The following OR52E5 variants were observed in gnomAD, a reference collection of about 807,000 sequenced individuals.
OR52E5 encodes the protein olfactory receptor family 52 subfamily E member 5.
Position 5,900,769 on chromosome 11 carries a change from C to T in OR52E5, c.-8C>T. 2.5e-6 allele frequency: 1 copy of T among 400,536 alleles called. No individual in the cohort carries two copies. Among genetic ancestry groups the T allele is most frequent in the East Asian group, 3.6e-5 (1 of 28,070 alleles). The allele number at this position is 400,536 out of a possible 1,614,324, so 24.8% of individuals were successfully genotyped here. ...CAAGAAATGTGTCTGTAGGGAATGG[C>T]CACCAATATGCTTCATACCAACAAT... On this transcript the variant is annotated 5_prime_UTR_variant, in exon 3 of 3. Coordinates refer to ENST00000610445, the MANE Select transcript of OR52E5 (RefSeq NM_001005166.5).
chr11:5,900,756 C>A lies in OR52E5; in HGVS notation c.-21C>A. 1 of 400,120 alleles carries A rather than the reference C, an allele frequency of 2.5e-6. No individual in the cohort carries two copies. Among genetic ancestry groups the A allele is most frequent in the South Asian group, 1.3e-4 (1 of 7,848 alleles). The allele number at this position is 400,120 out of a possible 1,614,324, so 24.8% of individuals were successfully genotyped here. The stretch of plus-strand genomic sequence containing the variant: ...AAGAAAACTCATGCAAGAAATGTGT[C>A]TGTAGGGAATGGCCACCAATATGCT... On this transcript the variant is annotated 5_prime_UTR_variant, in exon 3 of 3. It adds an upstream start codon to the 5' untranslated region. Coordinates refer to ENST00000610445, the MANE Select transcript of OR52E5 (RefSeq NM_001005166.5).
At chr11:5,894,766 C>CT (rs1847150884) in intron 1 of OR52E5, among the ~76,000 whole-genome samples, 2 of 152,044 alleles carry the variant, frequency 1.3e-5, no homozygotes, top group African/African-American at 4.8e-5. Flanking sequence ...GGTCGGTGCC[C>CT]TTTTTCTATA....
rs149151317 is a variant in OR52E5, at chr11:5,902,618, A to G, written c.*858A>G. The G allele has an allele frequency of 1.2e-4, 19 of 152,328 alleles. No homozygotes were observed. The East Asian group carries it at 3.5e-3, about 28-fold the overall frequency. 9.4% of individuals were successfully genotyped at this position (152,328 alleles called of 1,614,324 possible). On this transcript the variant is annotated 3_prime_UTR_variant, in exon 3 of 3. Coordinates refer to ENST00000610445, the MANE Select transcript of OR52E5 (RefSeq NM_001005166.5). Reference sequence around the variant, plus strand: ...AATCCCATCCTCCACAGTCTTTGCTAGAGTGGGTTTTAGGGCAGACTGTAA... The same window carrying G: ...AATCCCATCCTCCACAGTCTTTGCTGGAGTGGGTTTTAGGGCAGACTGTAA...
chr11:5,898,834 T>C (rs1847211085), intron 2 of OR52E5, among the ~76,000 whole-genome samples: 1 of 152,222 alleles, frequency 6.6e-6, no homozygotes, highest in African/African-American at 2.4e-5. Flanking sequence ...CTGTTTTGGC[T>C]ACTGCAGCCT....
intron 2 of OR52E5, among the ~76,000 whole-genome samples, chr11:5,897,321 T>A (rs73398282): frequency 6.6e-6 from 1 of 152,190 alleles, no homozygotes; most frequent in Admixed American, 6.5e-5. Context: ...GTGTCTGTTG[T>A]TTCCATCTTT....
intron 2 of OR52E5, among the ~76,000 whole-genome samples, chr11:5,897,895 T>C (rs754674552): frequency 1.3e-5 from 2 of 152,072 alleles, no homozygotes; most frequent in Non-Finnish European, 2.9e-5. Flanking sequence ...CAGAGTCTCA[T>C]TCTGTCACCC....
intron 2 of OR52E5, among the ~76,000 whole-genome samples, chr11:5,899,565 A>G (rs539615723): frequency 6.6e-6 from 1 of 152,336 alleles, no homozygotes; most frequent in South Asian, 2.1e-4. Context: ...CATTGCACTC[A>G]AATGAGCATC....
intron 1 of OR52E5, among the ~76,000 whole-genome samples, chr11:5,893,663 A>G (rs560466506): frequency 2.0e-5 from 3 of 152,214 alleles, no homozygotes; most frequent in Non-Finnish European, 2.9e-5. Flanking sequence ...ACCTATGACT[A>G]GTTGTTAGGA....
intron 1 of OR52E5, among the ~76,000 whole-genome samples, chr11:5,893,616 G>A (rs572579312): frequency 1.2e-4 from 18 of 152,118 alleles, no homozygotes; most frequent in African/African-American, 4.3e-4. Context: ...ATCATTCCCT[G>A]GTTATAGCTG....
rs1022586074 is a variant in OR52E5 at position 5,902,205 on chromosome 11, G to C, written c.*445G>C. 4 of 153,906 alleles carry C rather than the reference G, an allele frequency of 2.6e-5. No homozygotes were observed. Among genetic ancestry groups the C allele is most frequent in the African/African-American group, 7.2e-5 (3 of 41,510 alleles). 9.5% of individuals were successfully genotyped at this position (153,906 alleles called of 1,614,324 possible). On this transcript the variant is annotated 3_prime_UTR_variant, in exon 3 of 3. Transcript: ENST00000610445. ...ATGGCCTTACCTAAAATTTTGACCT[G>C]AGCATTTCACTTAGACTCTTTGAGT... is the stretch of plus-strand genomic sequence containing the variant.
chr11:5,900,526 A>C (rs1847234999), intron 2 of OR52E5, 106 bp from the exon 3 acceptor site: 2 of 331,660 alleles, frequency 6.0e-6, no homozygotes, highest in East Asian at 8.9e-5. Context: ...TGGGAAGTGC[A>C]GGATTGCTAT....
rs1295284193 is a variant in OR52E5, at chr11:5,901,577, C to T, written c.801C>T (p.Ile267=). ...TGACACACCGCTTTGGCCACAACAT[C>T]CCTCATTACATCCACATTCTTCTGG... ...SFMTHRFGHN[I]PHYIHILLAN... Residue 267 remains isoleucine (I), a synonymous_variant, in exon 3 of 3, where the codon ATC becomes ATT. Coordinates refer to ENST00000610445, the MANE Select transcript of OR52E5 (RefSeq NM_001005166.5). The T allele has an allele frequency of 5.0e-6, 2 of 401,688 alleles. No individual in the cohort carries two copies. 24.9% of individuals were successfully genotyped at this position (401,688 alleles called of 1,614,324 possible).
chr11:5,898,727 T>G (rs1163497208), intron 2 of OR52E5, among the ~76,000 whole-genome samples: 2 of 152,180 alleles, frequency 1.3e-5, no homozygotes, highest in Non-Finnish European at 2.9e-5. Flanking sequence ...TTTTGTTGAC[T>G]TTACCAAAGA....
chr11:5,897,785 T>C (rs1339559061), intron 2 of OR52E5, among the ~76,000 whole-genome samples: 2 of 152,200 alleles, frequency 1.3e-5, no homozygotes, highest in African/African-American at 4.8e-5. Flanking sequence ...ACATCTGTTA[T>C]TTTTTCACTT....
At chr11:5,895,310 A>T (rs1223600672) in intron 1 of OR52E5, among the ~76,000 whole-genome samples, 2 of 152,258 alleles carry the variant, frequency 1.3e-5, no homozygotes, top group African/African-American at 4.8e-5. Flanking sequence ...TTGAAATTGC[A>T]TATCACAAAA....
chr11:5,893,933 C>T (rs1847139048), intron 1 of OR52E5, among the ~76,000 whole-genome samples: 1 of 152,182 alleles, frequency 6.6e-6, no homozygotes. Flanking sequence ...AGAAGTTTGT[C>T]TTCTGATCCA....
intron 1 of OR52E5, among the ~76,000 whole-genome samples, chr11:5,893,628 G>A (rs562857812): frequency 6.6e-6 from 1 of 152,092 alleles, no homozygotes; most frequent in East Asian, 1.9e-4. Context: ...TTATAGCTGT[G>A]TGGTCTGCTT....
At chr11:5,895,497 GCAAA>G (rs1847161023) in intron 1 of OR52E5, 131 bp from the exon 2 acceptor site, 1 of 151,904 alleles carries the variant, frequency 6.6e-6, no homozygotes, top group African/African-American at 2.4e-5. Flanking sequence ...TAATTTTTCT[GCAAA>G]CAAAATTCTC....
At chr11:5,895,386 T>C (rs547812845) in intron 1 of OR52E5, among the ~76,000 whole-genome samples, 7 of 152,198 alleles carry the variant, frequency 4.6e-5, no homozygotes, top group Admixed American at 1.3e-4. Flanking sequence ...TTTTGTTCCT[T>C]TGGCTGATTT....
Sources: gnomAD v4.1 joint callset for allele counts (sites outside exome capture counted in the v4.1 genomes callset) on GRCh38, gnomAD v4.1.1 for gene constraint, MANE v1.5 for transcripts, NCBI Gene and HGNC (gene_info 2026-07-23, HGNC 2026-07-21) for gene names.